The following SKI variants were observed in gnomAD, a reference collection of about 807,000 sequenced individuals.
SKI encodes the protein ski oncogene.
SKI carries 23 observed loss-of-function variants against 59.3 expected under a neutral mutation model. That is an observed-to-expected ratio of 0.39 (90% CI 0.28 to 0.55). The LOEUF (loss-of-function observed/expected upper bound fraction) is 0.55, where lower values mean the gene tolerates loss of function less well. SKI is among the 20% of genes least tolerant of loss of function. SKI has a pLI of 0.67. For synonymous variants in SKI, 673 were observed against 488.6 expected (o/e 1.38, Z -4.98); for missense variants, 1,017 against 1,038.9 (o/e 0.98, Z 0.29).
At position 2,307,835 on chromosome 1, in the gene SKI, G is replaced by GA. The variant is rs1172213172; in HGVS notation, c.*1073dup. On this transcript the variant is annotated 3_prime_UTR_variant, in exon 7 of 7. Transcript: ENST00000378536. Reference sequence around the variant, plus strand: ...CAAATCCGAAGTGCTCGAGTGCTTAGAAACCCCCTCTGGTGCTTGGTTGAA... The same window carrying GA: ...CAAATCCGAAGTGCTCGAGTGCTTAGAAAACCCCCTCTGGTGCTTGGTTGAA... The GA allele has an allele frequency of 6.6e-6, 1 of 152,506 alleles. No homozygotes were observed. The highest frequency in any genetic ancestry group is 1.5e-5 in the Non-Finnish European group (1 of 68,040). The allele number at this position is 152,506 out of a possible 1,614,324, so 9.4% of individuals were successfully genotyped here.
intron 1 of SKI, among the ~76,000 whole-genome samples, chr1:2,233,408 T>A (rs1638687082): frequency 6.6e-6 from 1 of 152,136 alleles, no homozygotes. Context: ...TTCTGGTGAC[T>A]GGAGAATTTG....
rs754486257 is a variant in SKI at position 2,306,719 on chromosome 1, G to A, written c.2141G>A (p.Arg714His). Residue 714 changes from arginine to histidine, a missense_variant, in exon 7 of 7, where the codon CGC (arginine) becomes CAC (histidine). Arg to His is a conservative substitution (Grantham distance 29, BLOSUM62 0). Transcript: ENST00000378536. ...CAGGAACAGCTGTGGCCGCGGGCCC[G>A]CCCCGAGGCTGCGGGCAGCGAGGGC... ...ELQEQLWPRA[R>H]PEAAGSEGAA... 97 of 1,534,944 alleles carry A rather than the reference G, an allele frequency of 6.3e-5. No individual in the cohort carries two copies. Among genetic ancestry groups the A allele is most frequent in the South Asian group, 2.1e-4 (17 of 82,924 alleles).
At chr1:2,299,747 G>A (rs1640378176) in intron 1 of SKI, among the ~76,000 whole-genome samples, 1 of 152,192 alleles carries the variant, frequency 6.6e-6, no homozygotes, top group African/African-American at 2.4e-5. Context: ...GTTTCGCCCT[G>A]AGCATCTGCA....
In SKI at chr1:2,229,662, G is replaced by T. The variant is rs1482824984; in HGVS notation, c.896G>T (p.Arg299Leu). The T allele has an allele frequency of 1.2e-6, 2 of 1,610,298 alleles. No homozygotes were observed. Among genetic ancestry groups the T allele is most frequent in the African/African-American group, 2.7e-5 (2 of 74,872 alleles). The change falls in exon 1 of 7, where the codon CGC becomes CTC. Residue 299 changes from arginine to leucine, a missense_variant. By Grantham distance (102) the Arg-to-Leu change is moderately radical (BLOSUM62 -2). Coordinates refer to ENST00000378536, the MANE Select transcript of SKI (RefSeq NM_003036.4). This position sits in a 1 kb window ranked among gnomAD's most constrained non-coding sequence, Gnocchi z 6.3. ...QDYTGKEEQA[R>L]LGRCLDDVKE... is the part of the protein sequence containing the mutation. ...TACACGGGCAAGGAGGAGCAGGCGC[G>T]CCTCGGCCGCTGCCTGGACGACGTG...
intron 1 of SKI, among the ~76,000 whole-genome samples, chr1:2,250,356 C>G (rs533908689): frequency 6.6e-6 from 1 of 152,190 alleles, no homozygotes; most frequent in Non-Finnish European, 1.5e-5. Flanking sequence ...AGCGTGTCCT[C>G]GAGTGTGGGG....
At chr1:2,301,648 T>C (rs990525213) in intron 1 of SKI, among the ~76,000 whole-genome samples, 3 of 152,210 alleles carry the variant, frequency 2.0e-5, no homozygotes, top group African/African-American at 7.2e-5. Flanking sequence ...GGGTCCCTGC[T>C]GCCTCCAGGA....
At chr1:2,282,871 G>T (rs971701839) in intron 1 of SKI, among the ~76,000 whole-genome samples, 2 of 152,218 alleles carry the variant, frequency 1.3e-5, no homozygotes, top group Non-Finnish European at 2.9e-5. Flanking sequence ...TGTCACCCCG[G>T]TGTGGGCCCA....
intron 1 of SKI, among the ~76,000 whole-genome samples, chr1:2,231,838 C>T (rs1052628835): frequency 6.6e-6 from 1 of 152,232 alleles, no homozygotes; most frequent in Non-Finnish European, 1.5e-5. Context: ...CGTGTTGCCT[C>T]CTGCTCTATG....
rs540026138 is a variant in SKI, at chr1:2,305,351, G to A, written c.1768-669G>A. On this transcript the variant is annotated intron_variant, in intron 5 of 6. Coordinates refer to ENST00000378536, the MANE Select transcript of SKI (RefSeq NM_003036.4). ...GGCCTCGCTAAATTCACACCTCGGC[G>A]GCGTCTGGCAGCTTCCGCGGCGTGG... 2.6e-5 allele frequency among the ~76,000 whole-genome samples: 4 copies of A among 152,288 alleles called. No homozygotes were observed. The South Asian group carries it at 8.3e-4, about 32-fold the overall frequency.
chr1:2,274,445 G>T (rs1569784235), intron 1 of SKI, among the ~76,000 whole-genome samples: 1 of 152,112 alleles, frequency 6.6e-6, no homozygotes, highest in African/African-American at 2.4e-5. Context: ...CGAGGGTGGT[G>T]TGGGGCTGCC....
chr1:2,292,439 A>G (rs961618355), intron 1 of SKI, among the ~76,000 whole-genome samples: 5 of 152,078 alleles, frequency 3.3e-5, no homozygotes, highest in Admixed American at 6.5e-5. Flanking sequence ...TTCATCAGGG[A>G]CCTGCTGTGG....
intron 1 of SKI, among the ~76,000 whole-genome samples, chr1:2,296,889 C>A (rs561671609): frequency 6.6e-6 from 1 of 152,240 alleles, no homozygotes; most frequent in African/African-American, 2.4e-5. Context: ...ACGGTTCAGT[C>A]CGGGAAATGG....
intron 1 of SKI, among the ~76,000 whole-genome samples, chr1:2,260,535 C>CT (rs3065260): frequency 0.047 from 3,177 of 67,542 alleles, 321 homozygotes; most frequent in Non-Finnish European, 0.064. Flanking sequence ...TGTTCTTTTT[C>CT]TTTTTTTTTT....
At chr1:2,306,387 C>A (rs1019792809) in intron 6 of SKI, 137 bp downstream of exon 6, 22 of 1,015,222 alleles carry the variant, frequency 2.2e-5, no homozygotes, top group Admixed American at 8.1e-5. Context: ...CGTGCCCCCC[C>A]GACGGGCACA....
At chr1:2,283,076 G>C (rs776253106) in intron 1 of SKI, among the ~76,000 whole-genome samples, 1 of 152,222 alleles carries the variant, frequency 6.6e-6, no homozygotes, top group Admixed American at 6.5e-5. Context: ...GGAGGATCCC[G>C]TGGGAATGAC....
At chr1:2,294,696 C>T (rs1472357667) in intron 1 of SKI, among the ~76,000 whole-genome samples, 1 of 152,226 alleles carries the variant, frequency 6.6e-6, no homozygotes, top group Non-Finnish European at 1.5e-5. Context: ...GGCAGGGAGG[C>T]CTCTGGGGGC....
At chr1:2,272,914 G>A (rs770564997) in intron 1 of SKI, among the ~76,000 whole-genome samples, 11 of 152,184 alleles carry the variant, frequency 7.2e-5, no homozygotes, top group Admixed American at 1.3e-4. Context: ...TCTTCCAGGC[G>A]GAGGGGGAGG....
At chr1:2,265,680 A>G (rs1051358259) in intron 1 of SKI, among the ~76,000 whole-genome samples, 13 of 152,190 alleles carry the variant, frequency 8.5e-5, no homozygotes, top group African/African-American at 3.1e-4. Context: ...GTATTCCTAT[A>G]AATTGGCTGG....
chr1:2,234,764 A>G (rs558164776), intron 1 of SKI, among the ~76,000 whole-genome samples: 111 of 152,352 alleles, frequency 7.3e-4, no homozygotes, highest in African/African-American at 2.5e-3. Context: ...GCAAGCTTCA[A>G]CTGAAATGTT....
Sources: allele counts gnomAD v4.1 joint callset (sites outside exome capture counted in the v4.1 genomes callset), GRCh38; gene constraint gnomAD v4.1.1; non-coding constraint Gnocchi (gnomAD v3.1); transcripts MANE v1.5; gene names NCBI Gene and HGNC (gene_info 2026-07-23, HGNC 2026-07-21).